C1QTNF7: variants seen among roughly 807,000 people sequenced by gnomAD.
The protein encoded by C1QTNF7 is complement C1q tumor necrosis factor-related protein 7.
A neutral mutation model predicts 19.6 loss-of-function variants in C1QTNF7; 15 were observed. That is an observed-to-expected ratio of 0.76 (90% CI 0.51 to 1.18). C1QTNF7 has a LOEUF of 1.18. C1QTNF7 is among the 50% of genes most tolerant of loss of function. The pLI is 0.00. For synonymous variants in C1QTNF7, 142 were observed against 137.5 expected (o/e 1.03, Z -0.23); for missense variants, 324 against 359.7 (o/e 0.90, Z 0.80).
intron 1 of C1QTNF7, among the ~76,000 whole-genome samples, chr4:15,348,093 G>A (rs772556271): frequency 2.6e-5 from 4 of 152,162 alleles, no homozygotes; most frequent in Non-Finnish European, 4.4e-5. Flanking sequence ...TTAGGAGCCC[G>A]ATGTATTTGG....
chr4:15,428,714 G>C (rs908842720), intron 1 of C1QTNF7, among the ~76,000 whole-genome samples: 5 of 152,106 alleles, frequency 3.3e-5, no homozygotes, highest in African/African-American at 1.2e-4. Context: ...CAACATAAAA[G>C]GAACTGAGGC....
rs1385983290 is a variant in C1QTNF7, at chr4:15,443,233, GCTAA to G, written c.*438_*441del. Reference sequence around the variant, plus strand: ...AAGTCAAAAACCAAAGGTAAGAGATGCTAACTATTTTTCAAGCAAGCTACAGAGA... The same window carrying G: ...AAGTCAAAAACCAAAGGTAAGAGATGCTATTTTTCAAGCAAGCTACAGAGA... On this transcript the variant is annotated 3_prime_UTR_variant, in exon 3 of 3. Coordinates refer to ENST00000444304, the MANE Select transcript of C1QTNF7 (RefSeq NM_031911.5). 7 of 153,436 alleles carry G rather than the reference GCTAA, an allele frequency of 4.6e-5. No homozygotes were observed. Among genetic ancestry groups the G allele is most frequent in the African/African-American group, 1.7e-4 (7 of 41,482 alleles). 9.5% of individuals were successfully genotyped at this position (153,436 alleles called of 1,614,324 possible). A position where few individuals can be genotyped will look rare whatever the true frequency, so the allele number is the denominator to read the frequency against.
chr4:15,392,298 G>A lies in C1QTNF7; in HGVS notation c.14-43438G>A, dbSNP rs1718588012. ...TGATTCACACCTGTGTATATATCTA[G>A]GGGGCGCTTACTTAAATCACCTCAT... On this transcript the variant is annotated intron_variant, in intron 1 of 2. Coordinates refer to the C1QTNF7 transcript ENST00000295297. Among the ~76,000 whole-genome samples the A allele has an allele frequency of 2.6e-5, 4 of 151,720 alleles. No homozygotes were observed. In the South Asian group the frequency reaches 6.2e-4, roughly 24 times the overall value.
intron 1 of C1QTNF7, among the ~76,000 whole-genome samples, chr4:15,378,795 TA>T (rs1438569791): frequency 6.6e-6 from 1 of 152,200 alleles, no homozygotes; most frequent in East Asian, 1.9e-4. Flanking sequence ...GTACAGCTTT[TA>T]AAAACAATCC....
intron 2 of C1QTNF7, among the ~76,000 whole-genome samples, chr4:15,438,526 T>C (rs1712626800): frequency 6.6e-6 from 1 of 152,210 alleles, no homozygotes; most frequent in South Asian, 2.1e-4. Flanking sequence ...AACTTCCCTA[T>C]CCTAAATGAG....
chr4:15,352,001 G>A (rs760142412), intron 1 of C1QTNF7, among the ~76,000 whole-genome samples: 19 of 152,232 alleles, frequency 1.2e-4, no homozygotes, highest in South Asian at 6.2e-4. Context: ...AGGCCTAAGC[G>A]TATTTGAACC....
At chr4:15,417,410 A>C (rs1457465469) in intron 1 of C1QTNF7, among the ~76,000 whole-genome samples, 1 of 152,258 alleles carries the variant, frequency 6.6e-6, no homozygotes, top group East Asian at 1.9e-4. Context: ...AAAATGACTC[A>C]TGAAACATGT....
chr4:15,387,000 T>C (rs1333284811), intron 1 of C1QTNF7, among the ~76,000 whole-genome samples: 1 of 152,040 alleles, frequency 6.6e-6, no homozygotes, highest in Non-Finnish European at 1.5e-5. Flanking sequence ...GAAAACCAGA[T>C]AGCGACTGTT....
chr4:15,343,221 C>CT (rs1401520135), intron 1 of C1QTNF7, among the ~76,000 whole-genome samples: 1 of 152,184 alleles, frequency 6.6e-6, no homozygotes, highest in Non-Finnish European at 1.5e-5. Context: ...CATGAAACCA[C>CT]TTTTTCTGAA....
At chr4:15,391,888 C>T (rs563655655) in intron 1 of C1QTNF7, among the ~76,000 whole-genome samples, 94 of 152,248 alleles carry the variant, frequency 6.2e-4, no homozygotes, top group Non-Finnish European at 1.1e-3. Flanking sequence ...AATTTGAACA[C>T]AGGTCCAAAA....
At chr4:15,433,921 G>A (rs1560369718) in intron 1 of C1QTNF7, among the ~76,000 whole-genome samples, 1 of 152,196 alleles carries the variant, frequency 6.6e-6, no homozygotes, top group Non-Finnish European at 1.5e-5. Flanking sequence ...ACAACGGAGA[G>A]AGAACTGCTA....
At chr4:15,342,855 C>G (rs750782207) in intron 1 of C1QTNF7, among the ~76,000 whole-genome samples, 4 of 152,348 alleles carry the variant, frequency 2.6e-5, no homozygotes, top group Admixed American at 2.0e-4. Context: ...GGTAGATCAG[C>G]GCTCTGGCTT....
intron 1 of C1QTNF7, among the ~76,000 whole-genome samples, chr4:15,413,658 A>G (rs1279132072): frequency 6.6e-6 from 1 of 152,270 alleles, no homozygotes; most frequent in Admixed American, 6.5e-5. Context: ...AGTTAAAATT[A>G]AAAAGGAAGA....
At chr4:15,341,541 C>G (rs1405803683) in intron 1 of C1QTNF7, among the ~76,000 whole-genome samples, 2 of 152,180 alleles carry the variant, frequency 1.3e-5, no homozygotes, top group Non-Finnish European at 2.9e-5. Flanking sequence ...CCTCTCTCCA[C>G]CCATAGTTAA....
intron 1 of C1QTNF7, among the ~76,000 whole-genome samples, chr4:15,418,900 G>A (rs1711596944): frequency 6.6e-6 from 1 of 152,002 alleles, no homozygotes; most frequent in Admixed American, 6.6e-5. Flanking sequence ...AGGGAATTGG[G>A]GGCATTTATG....
In C1QTNF7 at chr4:15,412,954, C is replaced by A. The variant is rs760717215; in HGVS notation, c.14-22782C>A. Among the ~76,000 whole-genome samples the A allele has an allele frequency of 2.4e-4, 36 of 152,206 alleles. 1 individual carries two copies. Among genetic ancestry groups the A allele is most frequent in the Admixed American group, 1.3e-4 (2 of 15,276 alleles). On this transcript the variant is annotated intron_variant, in intron 1 of 2. Coordinates refer to the C1QTNF7 transcript ENST00000295297. ...TCACCTAACCCATTTCACTGTCACA[C>A]CAGCACTGGCAGTGTGCAGTCTTGT...
At chr4:15,415,666 A>T (rs1719580461) in intron 1 of C1QTNF7, among the ~76,000 whole-genome samples, 1 of 150,970 alleles carries the variant, frequency 6.6e-6, no homozygotes, top group Admixed American at 6.6e-5. Flanking sequence ...TATGTTGCCC[A>T]GGCTGGTCTC....
At chr4:15,378,324 G>A (rs1718018622) in intron 1 of C1QTNF7, among the ~76,000 whole-genome samples, 1 of 152,188 alleles carries the variant, frequency 6.6e-6, no homozygotes, top group African/African-American at 2.4e-5. Flanking sequence ...CACAGCTGGA[G>A]TAAATCTATG....
chr4:15,371,679 C>T (rs1378885804), intron 1 of C1QTNF7, among the ~76,000 whole-genome samples: 3 of 152,074 alleles, frequency 2.0e-5, no homozygotes, highest in Admixed American at 1.3e-4. Context: ...CGAGGAAGAG[C>T]AAGGGTGCGG....
Sources: allele counts gnomAD v4.1 joint callset (sites outside exome capture counted in the v4.1 genomes callset), GRCh38; gene constraint gnomAD v4.1.1; transcripts MANE v1.5; gene names NCBI Gene and HGNC (gene_info 2026-07-23, HGNC 2026-07-21).